ASB7: variants seen among roughly 807,000 people sequenced by gnomAD.
ASB7 encodes ankyrin repeat and SOCS box containing 7.
ASB7 carries 4 observed loss-of-function variants against 32.5 expected under a neutral mutation model. The ratio of observed to expected loss-of-function variants is 0.12; its 90% CI spans 0.06 to 0.28. The LOEUF is 0.28. Among genes scored for constraint, ASB7 ranks in the 10% least tolerant of loss-of-function variants. The pLI, the probability that ASB7 is intolerant of heterozygous loss-of-function variation, is 1.00. For missense variants in ASB7, 181 were observed against 407.1 expected (o/e 0.44, Z 4.78); for synonymous variants, 172 against 155.6 (o/e 1.11, Z -0.78).
At chr15:100,623,634 T>G (rs2039811858) in intron 4 of ASB7, among the ~76,000 whole-genome samples, 1 of 152,182 alleles carries the variant, frequency 6.6e-6, no homozygotes, top group African/African-American at 2.4e-5. Flanking sequence ...ACGGTGTTGG[T>G]GGGACTGTCA....
At chr15:100,619,236 G>A (rs1298746175) in intron 4 of ASB7, among the ~76,000 whole-genome samples, 1 of 152,202 alleles carries the variant, frequency 6.6e-6, no homozygotes, top group South Asian at 2.1e-4. Context: ...GGGGCACTGC[G>A]TGTGACGGGT....
chr15:100,620,672 T>C (rs1475134665), intron 4 of ASB7, among the ~76,000 whole-genome samples: 1 of 152,204 alleles, frequency 6.6e-6, no homozygotes, highest in Non-Finnish European at 1.5e-5. Context: ...AGTGTACTGT[T>C]AGAATCGTGA....
intron 5 of ASB7, among the ~76,000 whole-genome samples, chr15:100,638,651 A>G (rs1347530863): frequency 6.6e-6 from 1 of 152,226 alleles, no homozygotes; most frequent in Non-Finnish European, 1.5e-5. Flanking sequence ...TGAACAACTT[A>G]CTTTCACGGC....
chr15:100,603,456 A>G (rs1170341410), intron 2 of ASB7, 143 bp downstream of exon 2: 1 of 151,496 alleles, frequency 6.6e-6, no homozygotes, highest in Non-Finnish European at 1.4e-5. Flanking sequence ...AGGAAAAACA[A>G]AAACATTACC....
intron 5 of ASB7, among the ~76,000 whole-genome samples, chr15:100,640,990 A>G (rs750416689): frequency 6.6e-6 from 1 of 152,174 alleles, no homozygotes; most frequent in Non-Finnish European, 1.5e-5. Flanking sequence ...TTTTTTGTGC[A>G]TCCCCTAAAG....
At chr15:100,606,959 C>T (rs1474090084) in intron 2 of ASB7, among the ~76,000 whole-genome samples, 1 of 152,104 alleles carries the variant, frequency 6.6e-6, no homozygotes, top group African/African-American at 2.4e-5. Flanking sequence ...TCGAGATCAT[C>T]CTGACTAACA....
chr15:100,614,246 C>T (rs1439813309), intron 4 of ASB7, among the ~76,000 whole-genome samples: 2 of 149,200 alleles, frequency 1.3e-5, no homozygotes, highest in Admixed American at 1.3e-4. Context: ...TGCACTCCTG[C>T]CTGGGCGAAA....
In ASB7 at chr15:100,629,333, C is replaced by T. The variant is rs573246038; in HGVS notation, c.212-104C>T. On this transcript the variant is annotated intron_variant, in intron 4 of 5. Transcript: ENST00000332783. This position sits in a 1 kb window ranked among gnomAD's most constrained non-coding sequence, Gnocchi z 6.8. ...TGATATTCATTACAGTGTTTGGTTG[C>T]TTCACATTTTATATGAGAATTGGCC... The T allele has an allele frequency of 2.5e-5, 26 of 1,042,242 alleles. No individual in the cohort carries two copies. Among genetic ancestry groups the T allele is most frequent in the Middle Eastern group, 2.3e-4 (1 of 4,346 alleles). The allele number at this position is 1,042,242 out of a possible 1,614,324, so 64.6% of individuals were successfully genotyped here. A position where few individuals can be genotyped will look rare whatever the true frequency, so the allele number is the denominator to read the frequency against.
intron 4 of ASB7, among the ~76,000 whole-genome samples, chr15:100,617,887 T>C (rs2039757366): frequency 6.6e-6 from 1 of 152,158 alleles, no homozygotes; most frequent in East Asian, 1.9e-4. Flanking sequence ...AAGACCAATC[T>C]TTTCTTTTAT....
chr15:100,640,686 A>G (rs1354983165), intron 5 of ASB7, among the ~76,000 whole-genome samples: 1 of 152,172 alleles, frequency 6.6e-6, no homozygotes, highest in Non-Finnish European at 1.5e-5. Flanking sequence ...GTATTTAAAA[A>G]TGTTTTTCCT....
intron 5 of ASB7, among the ~76,000 whole-genome samples, chr15:100,631,033 G>A (rs2039879386): frequency 6.6e-6 from 1 of 152,128 alleles, no homozygotes; most frequent in Non-Finnish European, 1.5e-5. Context: ...CCCTTGGAGC[G>A]GGCCTTTGGA....
At chr15:100,613,803 G>T (rs952636747) in intron 4 of ASB7, among the ~76,000 whole-genome samples, 1 of 152,164 alleles carries the variant, frequency 6.6e-6, no homozygotes. Flanking sequence ...CATGAATATT[G>T]TCTCTTTCAA....
chr15:100,623,061 A>G (rs1297305713), intron 4 of ASB7, among the ~76,000 whole-genome samples: 1 of 152,200 alleles, frequency 6.6e-6, no homozygotes, highest in Admixed American at 6.5e-5. Flanking sequence ...TAATATCCAG[A>G]ATATACAAGG....
In ASB7 at chr15:100,629,747, C is replaced by G. The variant is rs780235162; in HGVS notation, c.522C>G (p.Ala174=). The G allele has an allele frequency of 6.2e-7, 1 of 1,614,198 alleles. No individual in the cohort carries two copies. ...SCVKILLDHN[A]NIDIQNGFLL... ...TGAAAATCCTCCTGGACCACAATGCCAACATCGACATTCAGAATGGTTTCC... is the reference window on the plus strand; with the variant it reads ...TGAAAATCCTCCTGGACCACAATGCGAACATCGACATTCAGAATGGTTTCC... Residue 174 remains alanine (A), a synonymous_variant, in exon 5 of 6, where the codon GCC becomes GCG. Transcript: ENST00000332783. The surrounding 1 kb of genome is among the most constrained non-coding windows in gnomAD (Gnocchi z 6.8).
At chr15:100,645,752 C>A in intron 5 of ASB7, 1 of 1,586,456 alleles carries the variant, frequency 6.3e-7, no homozygotes, top group South Asian at 1.1e-5. Context: ...TAAACATTTA[C>A]AAAGTGGAGA....
At position 100,621,159 on chromosome 15, in the gene ASB7, A is replaced by G. The variant is rs79789623; in HGVS notation, c.212-8278A>G. On this transcript the variant is annotated intron_variant, in intron 4 of 5. Coordinates refer to ENST00000332783, the MANE Select transcript of ASB7 (RefSeq NM_198243.3). ...AGCAGTATGTATTGAAGTCTTAAAAACAGTAGTTTATCTTGCCAATATAGA... is the reference window on the plus strand; with the variant it reads ...AGCAGTATGTATTGAAGTCTTAAAAGCAGTAGTTTATCTTGCCAATATAGA... 4.1e-3 allele frequency among the ~76,000 whole-genome samples: 621 copies of G among 152,348 alleles called. 8 individuals carry two copies. Among genetic ancestry groups the G allele is most frequent in the Admixed American group, 0.031 (475 of 15,298 alleles).
In ASB7 at chr15:100,629,905, T is replaced by G; in HGVS notation, c.680T>G (p.Val227Gly). ...PLHLSALRDD[V>G]LCARMLYNYG... The stretch of plus-strand genomic sequence containing the variant: ...CACTTATCTGCCCTTAGGGATGATG[T>G]GCTGTGTGCACGGATGTTATATAAT... Residue 227 changes from valine to glycine, a missense_variant, in exon 5 of 6, where the codon GTG becomes GGG. Coordinates refer to ENST00000332783, the MANE Select transcript of ASB7 (RefSeq NM_198243.3). This position sits in a 1 kb window ranked among gnomAD's most constrained non-coding sequence, Gnocchi z 6.8. The G allele has an allele frequency of 6.2e-7, 1 of 1,614,210 alleles. No homozygotes were observed. Among genetic ancestry groups the G allele is most frequent in the South Asian group, 1.1e-5 (1 of 91,088 alleles).
chr15:100,632,230 C>A (rs1036694030), intron 5 of ASB7, among the ~76,000 whole-genome samples: 1 of 152,208 alleles, frequency 6.6e-6, no homozygotes, highest in African/African-American at 2.4e-5. Context: ...AGGAGGTCCT[C>A]AGTAGTCCTG....
At chr15:100,636,290 G>GT (rs1227073307) in intron 5 of ASB7, among the ~76,000 whole-genome samples, 2 of 152,164 alleles carry the variant, frequency 1.3e-5, no homozygotes, top group South Asian at 2.1e-4. Flanking sequence ...GTTTGTTCAG[G>GT]TTTTTTGTCT....
Sources: allele counts gnomAD v4.1 joint callset (sites outside exome capture counted in the v4.1 genomes callset), GRCh38; gene constraint gnomAD v4.1.1; non-coding constraint Gnocchi (gnomAD v3.1); transcripts MANE v1.5; gene names NCBI Gene and HGNC (gene_info 2026-07-23, HGNC 2026-07-21).